The following MRPS18B variants were observed in gnomAD, a reference collection of about 807,000 sequenced individuals.
The protein encoded by MRPS18B is mitochondrial ribosomal protein S18B.
MRPS18B carries 27 observed loss-of-function variants against 28.4 expected under a neutral mutation model. That is an observed-to-expected ratio of 0.95 (90% CI 0.70 to 1.31). The LOEUF is 1.31. Among genes scored for constraint, MRPS18B ranks in the 40% most tolerant of loss-of-function variants. The pLI is 0.00. For synonymous variants in MRPS18B, 118 were observed against 123.7 expected (o/e 0.95, Z 0.30); for missense variants, 343 against 335.9 (o/e 1.02, Z -0.17).
intron 1 of MRPS18B, chr6:30,618,666 A>G (rs1214466691): frequency 1.3e-5 from 2 of 151,922 alleles, no homozygotes; most frequent in East Asian, 3.9e-4. Context: ...AGAAATAATA[A>G]CAGCCTTGGT....
intron 5 of MRPS18B, 98 bp from the exon 6 acceptor site, chr6:30,624,785 G>A (rs1031301844): frequency 8.6e-6 from 12 of 1,392,348 alleles, no homozygotes; most frequent in African/African-American, 1.4e-5. Flanking sequence ...ATTAGGTAAA[G>A]CCAATCCTTC....
At chr6:30,622,970 A>G in intron 5 of MRPS18B, 72 bp downstream of exon 5, 1 of 1,475,928 alleles carries the variant, frequency 6.8e-7, no homozygotes, top group Non-Finnish European at 9.5e-7. Flanking sequence ...GTTGGCCAAT[A>G]GGTATTTGTT....
intron 4 of MRPS18B, 30 bp from the exon 5 acceptor site, chr6:30,622,802 C>T: frequency 1.2e-6 from 2 of 1,608,856 alleles, no homozygotes; most frequent in Non-Finnish European, 1.7e-6. Flanking sequence ...GCCTCTTTTC[C>T]TCACGTTTCT....
Position 30,625,602 on chromosome 6 carries a change from C to G in MRPS18B, c.582C>G (p.Val194=). The part of the protein sequence containing the change: ...VSATPPAPTL[V]SGDPWYPWYN... ...CTACTCCGCCAGCCCCCACCCTGGT[C>G]TCAGGTGACCCCTGGTACCCATGGT... Residue 194 remains valine, a synonymous_variant, in exon 7 of 7, where the codon GTC becomes GTG. Coordinates refer to ENST00000259873, the MANE Select transcript of MRPS18B (RefSeq NM_014046.4). 1 of 1,612,906 alleles carries G rather than the reference C, an allele frequency of 6.2e-7. No individual in the cohort carries two copies. Among genetic ancestry groups the G allele is most frequent in the Non-Finnish European group, 8.5e-7 (1 of 1,179,882 alleles).
chr6:30,621,058 CA>C (rs2127464961), intron 4 of MRPS18B, among the ~76,000 whole-genome samples: 1 of 152,280 alleles, frequency 6.6e-6, no homozygotes, highest in South Asian at 2.1e-4. Context: ...CATTATTTTT[CA>C]AAAAGCCTTC....
At chr6:30,618,087 C>T (rs1007997380) in intron 1 of MRPS18B, 144 bp downstream of exon 1, 3 of 786,030 alleles carry the variant, frequency 3.8e-6, no homozygotes, top group African/African-American at 1.7e-5. Flanking sequence ...ACCCCCCCCC[C>T]ACACCCCGCG....
chr6:30,622,846 G>T lies in MRPS18B; in HGVS notation c.369G>T (p.Leu123Phe). 1 of 1,613,022 alleles carries T rather than the reference G, an allele frequency of 6.2e-7. No individual in the cohort carries two copies. The highest frequency in any genetic ancestry group is 8.5e-7 in the Non-Finnish European group (1 of 1,180,030). Residue 123 changes from leucine (L) to phenylalanine (F), a missense_variant, in exon 5 of 7, where the codon TTG (leucine) becomes TTT (phenylalanine). Transcript: ENST00000259873. ...LHVDFRNVKL[L>F]EQFVCAHTGI... ...TTCCCCCACAGAACGTGAAGCTCTT[G>T]GAGCAATTTGTCTGCGCCCACACGG... is the stretch of plus-strand genomic sequence containing the variant.
chr6:30,619,892 C>T, intron 3 of MRPS18B, 29 bp from the exon 4 acceptor site: 1 of 1,613,332 alleles, frequency 6.2e-7, no homozygotes, highest in South Asian at 1.1e-5. Context: ...TTTGAACATC[C>T]TTAACTGCTG....
intron 1 of MRPS18B, 73 bp downstream of exon 1, chr6:30,618,016 G>A (rs1222928194): frequency 5.2e-6 from 8 of 1,535,352 alleles, no homozygotes; most frequent in South Asian, 1.1e-5. Context: ...TCCACTGTCA[G>A]GAATCCACGA....
chr6:30,620,011 T>G (rs756426271), intron 4 of MRPS18B, 22 bp downstream of exon 4: 5 of 1,610,112 alleles, frequency 3.1e-6, no homozygotes, highest in Non-Finnish European at 1.7e-6. Context: ...CTTTTCTTTT[T>G]AGGGTAAGAA....
intron 6 of MRPS18B, 39 bp from the exon 7 acceptor site, chr6:30,625,463 C>T: frequency 6.7e-7 from 1 of 1,494,272 alleles, no homozygotes; most frequent in Non-Finnish European, 9.0e-7. Context: ...CCACCCTCCT[C>T]ATTGCCTCTT....
At position 30,619,510 on chromosome 6, in the gene MRPS18B, T is replaced by C; in HGVS notation, c.96T>C (p.Leu32=). The C allele has an allele frequency of 1.2e-6, 2 of 1,612,890 alleles. No homozygotes were observed. The highest frequency in any genetic ancestry group is 1.7e-6 in the Non-Finnish European group (2 of 1,179,870). The change falls in exon 2 of 7, where the codon CTT becomes CTC. Residue 32 remains leucine, a synonymous_variant. Transcript: ENST00000259873. The part of the protein sequence containing the change: ...SHRVQVPLQT[L]CTKAPSEEDS... Reference sequence around the variant, plus strand: ...CTTTGTAGGTTCCCCTCCAGACTCTTTGCACCAAAGCTCCCTCTGAGGAAG... The same window carrying C: ...CTTTGTAGGTTCCCCTCCAGACTCTCTGCACCAAAGCTCCCTCTGAGGAAG...
intron 1 of MRPS18B, among the ~76,000 whole-genome samples, 198 bp from the exon 2 acceptor site, chr6:30,619,295 G>C (rs1397486660): frequency 6.6e-6 from 1 of 152,092 alleles, no homozygotes; most frequent in Middle Eastern, 3.2e-3. Flanking sequence ...TTTCTTTCAG[G>C]ATCCAATTGT....
chr6:30,620,377 T>G (rs1186806810), intron 4 of MRPS18B, among the ~76,000 whole-genome samples: 1 of 152,042 alleles, frequency 6.6e-6, no homozygotes, highest in Non-Finnish European at 1.5e-5. Context: ...AGGAGCCCCT[T>G]TGCAGTGCCA....
chr6:30,623,556 T>C (rs1761300321), intron 5 of MRPS18B, among the ~76,000 whole-genome samples: 1 of 152,186 alleles, frequency 6.6e-6, no homozygotes. Flanking sequence ...GAATTATATT[T>C]ATTCCCTAAC....
intron 5 of MRPS18B, among the ~76,000 whole-genome samples, chr6:30,623,528 C>T (rs1018121846): frequency 3.3e-5 from 5 of 152,072 alleles, no homozygotes; most frequent in Non-Finnish European, 7.4e-5. Flanking sequence ...AACTTGGAAT[C>T]GTAAATTTAA....
intron 1 of MRPS18B, among the ~76,000 whole-genome samples, 198 bp downstream of exon 1, chr6:30,618,141 A>G (rs1203799260): frequency 6.8e-6 from 1 of 147,934 alleles, no homozygotes; most frequent in Admixed American, 6.8e-5. Context: ...AGGGTTAGGT[A>G]TCATCCTTTT....
At chr6:30,618,643 C>A (rs2127462238) in intron 1 of MRPS18B, 1 of 152,340 alleles carries the variant, frequency 6.6e-6, no homozygotes, top group East Asian at 1.9e-4. Flanking sequence ...AGAGTGGTGA[C>A]AGAGGTCAAC....
At position 30,617,915 on chromosome 6, in the gene MRPS18B, C is replaced by G. The variant is rs1392353634; in HGVS notation, c.50C>G (p.Ser17Cys). 2 of 1,614,102 alleles carry G rather than the reference C, an allele frequency of 1.2e-6. No individual in the cohort carries two copies. The highest frequency in any genetic ancestry group is 1.7e-6 in the Non-Finnish European group (2 of 1,180,050). The change falls in exon 1 of 7, where the codon TCT becomes TGT. Residue 17 changes from serine to cysteine, a missense_variant. Physicochemically the swap from Ser to Cys is moderately radical, Grantham distance 112. Transcript: ENST00000259873. The part of the protein sequence containing the change: ...NTVLRRLPML[S>C]LFRGSHRVQV... The stretch of plus-strand genomic sequence containing the variant: ...GTGCTGAGGCGGCTTCCTATGCTAT[C>G]TCTCTTCCGAGGTTCTCACAGAGTT...
Sources: allele counts gnomAD v4.1 joint callset (sites outside exome capture counted in the v4.1 genomes callset), GRCh38; gene constraint gnomAD v4.1.1; transcripts MANE v1.5; gene names NCBI Gene and HGNC (gene_info 2026-07-23, HGNC 2026-07-21).